The following CEP128 variants were observed in gnomAD, a reference collection of about 807,000 sequenced individuals.
CEP128 encodes centrosomal protein 128kDa.
Under a neutral mutation model 156.7 loss-of-function variants are expected in CEP128, and 132 were observed. The ratio of observed to expected loss-of-function variants is 0.84; its 90% CI spans 0.73 to 0.97. The LOEUF is 0.97. CEP128 is among the 50% of genes least tolerant of loss of function. The probability of loss-of-function intolerance (pLI) is 0.00; values close to 1 mark genes in which losing one functional copy is unlikely to be tolerated. For missense variants in CEP128, 1,252 were observed against 1,281.9 expected (o/e 0.98, Z 0.36); for synonymous variants, 469 against 448.9 (o/e 1.04, Z -0.57).
chr14:80,618,347 T>A (rs963232268), intron 19 of CEP128, among the ~76,000 whole-genome samples: 2 of 152,210 alleles, frequency 1.3e-5, no homozygotes, highest in Non-Finnish European at 2.9e-5. Context: ...TTAAAACAAA[T>A]CTCGGTGTAC....
intron 16 of CEP128, among the ~76,000 whole-genome samples, chr14:80,767,423 T>C (rs1322955248): frequency 1.3e-5 from 2 of 152,074 alleles, no homozygotes; most frequent in Non-Finnish European, 2.9e-5. Context: ...ATATATGAAA[T>C]ATCTAGACTG....
intron 13 of CEP128, among the ~76,000 whole-genome samples, chr14:80,829,674 G>A (rs1450883787): frequency 6.6e-6 from 1 of 152,188 alleles, no homozygotes; most frequent in African/African-American, 2.4e-5. Flanking sequence ...CATGTAACAG[G>A]CAGTCAATAA....
At chr14:80,657,754 T>C (rs2596116) in intron 19 of CEP128, among the ~76,000 whole-genome samples, 31,252 of 151,908 alleles carry the variant, frequency 0.21, 3,444 homozygotes, top group East Asian at 0.44. Flanking sequence ...AGAGAACAAA[T>C]GTGTAAAAAG....
chr14:80,736,374 A>C (rs1251533145), intron 19 of CEP128, among the ~76,000 whole-genome samples: 1 of 152,166 alleles, frequency 6.6e-6, no homozygotes, highest in Non-Finnish European at 1.5e-5. Flanking sequence ...TCATCTCCCT[A>C]AGTGTGCTCA....
chr14:80,852,435 G>T (rs1886937636), intron 9 of CEP128, among the ~76,000 whole-genome samples: 1 of 151,358 alleles, frequency 6.6e-6, no homozygotes, highest in African/African-American at 2.4e-5. Context: ...TAAAAAAGCA[G>T]AAAAATCAAT....
chr14:80,536,381 A>C (rs1009085259), intron 21 of CEP128, among the ~76,000 whole-genome samples: 2 of 152,226 alleles, frequency 1.3e-5, no homozygotes, highest in Non-Finnish European at 2.9e-5. Flanking sequence ...TTAGATGATG[A>C]ATAAATTAAA....
chr14:80,857,322 CAA>C (rs1248835012), intron 9 of CEP128, among the ~76,000 whole-genome samples: 1 of 151,126 alleles, frequency 6.6e-6, no homozygotes, highest in African/African-American at 2.4e-5. Flanking sequence ...CTAAACTAAC[CAA>C]AGTTATGATA....
intron 19 of CEP128, among the ~76,000 whole-genome samples, chr14:80,663,140 C>T (rs368984249): frequency 3.9e-5 from 6 of 152,122 alleles, no homozygotes; most frequent in African/African-American, 1.4e-4. Context: ...CTACAGGCCC[C>T]GGGCTGAGAG....
intron 16 of CEP128, among the ~76,000 whole-genome samples, chr14:80,764,493 G>A (rs1460320813): frequency 1.3e-5 from 2 of 149,376 alleles, no homozygotes; most frequent in African/African-American, 2.5e-5. Context: ...GCGACAGAGC[G>A]AGACTCCGTC....
chr14:80,858,732 C>T lies in CEP128; in HGVS notation c.762+4025G>A, dbSNP rs1309855250. On this transcript the variant is annotated intron_variant, in intron 9 of 24. Coordinates refer to ENST00000555265, the MANE Select transcript of CEP128 (RefSeq NM_152446.5). ...ACAAACAACCCCATCAAAAAGTGGG[C>T]GAAGGACATGAACAGACACTTTTCA... 3.0e-4 allele frequency among the ~76,000 whole-genome samples: 46 copies of T among 151,528 alleles called. 4 individuals are homozygous for T. The highest frequency in any genetic ancestry group is 8.5e-4 in the Admixed American group (13 of 15,258).
chr14:80,607,294 C>A (rs1166381262), intron 19 of CEP128, among the ~76,000 whole-genome samples: 1 of 151,604 alleles, frequency 6.6e-6, no homozygotes, highest in Non-Finnish European at 1.5e-5. Context: ...TAAATATGAC[C>A]AATTAGTGGG....
chr14:80,559,424 A>G, intron 20 of CEP128, 122 bp from the exon 21 acceptor site: 1 of 776,720 alleles, frequency 1.3e-6, no homozygotes, highest in East Asian at 3.0e-5. Flanking sequence ...AAAAATGTAA[A>G]AAATGAGAAC....
intron 13 of CEP128, among the ~76,000 whole-genome samples, chr14:80,809,455 T>C (rs1884378254): frequency 6.6e-6 from 1 of 152,032 alleles, no homozygotes; most frequent in Non-Finnish European, 1.5e-5. Flanking sequence ...AACAAAATAA[T>C]AGATAAAAAC....
intron 23 of CEP128, among the ~76,000 whole-genome samples, chr14:80,520,989 A>ATTTTTTTTTTTTTTTTT: frequency 8.7e-6 from 1 of 114,586 alleles, no homozygotes; most frequent in Non-Finnish European, 1.8e-5. Flanking sequence ...CGCCCAGCTA[A>ATTTTTTTTTTTTTTTTT]TTTTTTTTTT....
At chr14:80,711,047 A>G (rs1444136976) in intron 19 of CEP128, among the ~76,000 whole-genome samples, 1 of 152,132 alleles carries the variant, frequency 6.6e-6, no homozygotes, top group Non-Finnish European at 1.5e-5. Context: ...AAAACAAAGC[A>G]GCTTTTTGGC....
intron 14 of CEP128, among the ~76,000 whole-genome samples, chr14:80,481,457 G>A (rs141027051): frequency 1.8e-4 from 28 of 152,290 alleles, no homozygotes; most frequent in African/African-American, 6.7e-4. Flanking sequence ...GATTTCAGTG[G>A]GGACACAGCC....
intron 19 of CEP128, among the ~76,000 whole-genome samples, chr14:80,677,244 C>G (rs1221435878): frequency 6.6e-6 from 1 of 152,118 alleles, no homozygotes; most frequent in Non-Finnish European, 1.5e-5. Flanking sequence ...TGGTGGCTGA[C>G]ACCTGTAATC....
chr14:80,628,634 C>CGCT (rs1486802590), intron 19 of CEP128, among the ~76,000 whole-genome samples: 1 of 152,150 alleles, frequency 6.6e-6, no homozygotes. Flanking sequence ...GGGCTAACTA[C>CGCT]GCTGTCTATT....
At chr14:80,895,426 A>T (rs1377747061) in intron 8 of CEP128, among the ~76,000 whole-genome samples, 1 of 152,200 alleles carries the variant, frequency 6.6e-6, no homozygotes, top group Admixed American at 6.5e-5. Context: ...TATCTTTCAA[A>T]TAGTCATCAT....
Sources: allele counts gnomAD v4.1 joint callset (sites outside exome capture counted in the v4.1 genomes callset), GRCh38; gene constraint gnomAD v4.1.1; transcripts MANE v1.5; gene names NCBI Gene and HGNC (gene_info 2026-07-23, HGNC 2026-07-21).